Variants in MIA2 observed in about 807,000 individuals in gnomAD.
MIA2 encodes melanoma inhibitory activity protein 2.
MIA2 carries 127 observed loss-of-function variants against 167.8 expected under a neutral mutation model. The ratio of observed to expected loss-of-function variants is 0.76; its 90% CI spans 0.66 to 0.88. The LOEUF (loss-of-function observed/expected upper bound fraction) is 0.88. Among genes scored for constraint, MIA2 ranks in the 40% least tolerant of loss-of-function variants. The pLI is 0.00. For synonymous variants in MIA2, 552 were observed against 541.9 expected (o/e 1.02, Z -0.26); for missense variants, 1,690 against 1,624.7 (o/e 1.04, Z -0.69).
intron 19 of MIA2, 135 bp downstream of exon 19, chr14:39,313,576 A>G (rs1312537805): frequency 2.0e-6 from 1 of 498,548 alleles, no homozygotes; most frequent in Non-Finnish European, 3.6e-6. Flanking sequence ...CAAAAAAATA[A>G]TATATTTTTG....
intron 9 of MIA2, among the ~76,000 whole-genome samples, chr14:39,280,072 A>T (rs1314769485): frequency 1.3e-5 from 2 of 151,316 alleles, no homozygotes; most frequent in African/African-American, 2.4e-5. Flanking sequence ...GTGAAGATTC[A>T]TTTTTTTTCC....
At chr14:39,265,446 C>G (rs749347323) in intron 6 of MIA2, 4 of 1,583,438 alleles carry the variant, frequency 2.5e-6, no homozygotes, top group Non-Finnish European at 3.4e-6. Flanking sequence ...ATTAAGCATA[C>G]TGAAACAAAT....
At chr14:39,325,656 C>T (rs534312313) in intron 24 of MIA2, among the ~76,000 whole-genome samples, 40 of 150,356 alleles carry the variant, frequency 2.7e-4, no homozygotes, top group African/African-American at 4.4e-4. Context: ...TGTGAGCCAC[C>T]GCGCCTGGCC....
At position 39,350,129 on chromosome 14, in the gene MIA2, TC is replaced by T; in HGVS notation, c.4106del (p.Pro1369LeufsTer26). 7.2e-7 allele frequency: 1 copy of T among 1,381,596 alleles called. No homozygotes were observed. The highest frequency in any genetic ancestry group is 9.9e-7 in the Non-Finnish European group (1 of 1,012,134). The allele number at this position is 1,381,596 out of a possible 1,614,324, so 85.6% of individuals were successfully genotyped here. On this transcript the variant is annotated frameshift_variant, in exon 29 of 29. Transcript: ENST00000640607. LOFTEE classifies it high-confidence loss of function. ...RNVYPPRGFPPYLPPRPGFFP... is the reference protein window; with the variant it reads ...RNVYPPRGFPXYLPPRPGFFP... Reference sequence around the variant, plus strand: ...ATGTCTATCCACCGAGGGGTTTTCCTCCTTACCTTCCCCCAAGACCTGGATT... The same window carrying T: ...ATGTCTATCCACCGAGGGGTTTTCCTCTTACCTTCCCCCAAGACCTGGATT...
At chr14:39,362,687 C>G (rs2074713385) in intron 23 of MIA2, among the ~76,000 whole-genome samples, 1 of 151,862 alleles carries the variant, frequency 6.6e-6, no homozygotes, top group African/African-American at 2.4e-5. Context: ...TTGTTTAGTT[C>G]TGCTCTGATC....
Position 39,247,654 on chromosome 14 carries a change from A to AG in MIA2, c.1081dup (p.Glu361GlyfsTer8), listed in dbSNP as rs1329707873. ...CAGTTCCATGTACAGAAATATTAAC[A>AG]GAAAAAAAAGACACAATCACTAATG... On this transcript the variant is annotated frameshift_variant, in exon 4 of 29. Transcript: ENST00000640607. LOFTEE classifies it high-confidence loss of function. 1 of 1,609,526 alleles carries AG rather than the reference A, an allele frequency of 6.2e-7. No homozygotes were observed. Among genetic ancestry groups the AG allele is most frequent in the Admixed American group, 1.7e-5 (1 of 58,752 alleles).
chr14:39,237,149 C>G, intron 2 of MIA2, 94 bp downstream of exon 2: 1 of 1,388,122 alleles, frequency 7.2e-7, no homozygotes, highest in Non-Finnish European at 9.9e-7. Flanking sequence ...GAAACAGGGC[C>G]TGGCTCTGTC....
chr14:39,234,304 G>A (rs549439769), intron 1 of MIA2, 75 bp downstream of exon 1: 1 of 908,798 alleles, frequency 1.1e-6, no homozygotes, highest in East Asian at 2.7e-5. Flanking sequence ...TTGTGGTCAC[G>A]CATGATAAAA....
Position 39,234,136 on chromosome 14 carries a change from A to G in MIA2, c.22A>G (p.Arg8Gly), listed in dbSNP as rs138277028. The change falls in exon 1 of 29, where the codon AGA becomes GGA. Residue 8 changes from arginine to glycine, a missense_variant. Transcript: ENST00000640607. ...TAGCATGGCAAAATTTGGCGTTCAC[A>G]GAATCCTTCTTCTGGCTATTTCTCT... MAKFGVHRILLLAISLTK... is the reference protein window; with the variant it reads MAKFGVHGILLLAISLTK... The G allele has an allele frequency of 1.4e-5, 23 of 1,605,606 alleles. No individual in the cohort carries two copies. The highest frequency in any genetic ancestry group is 1.9e-5 in the Non-Finnish European group (22 of 1,176,812).
intron 23 of MIA2, among the ~76,000 whole-genome samples, chr14:39,356,943 A>G (rs2074543883): frequency 6.6e-6 from 1 of 152,166 alleles, no homozygotes; most frequent in Admixed American, 6.5e-5. Flanking sequence ...CTGTTCTTTT[A>G]CATTTGCTGA....
chr14:39,270,075 C>A (rs2056851955), intron 6 of MIA2, among the ~76,000 whole-genome samples: 1 of 152,126 alleles, frequency 6.6e-6, no homozygotes. Flanking sequence ...TTTACATCCC[C>A]ACCAGCAGTT....
intron 6 of MIA2, chr14:39,267,475 GTTAC>G: frequency 6.2e-7 from 1 of 1,613,204 alleles, no homozygotes; most frequent in Non-Finnish European, 8.5e-7. Flanking sequence ...GGAGCCCGGG[GTTAC>G]CCCTCAACCG....
intron 2 of MIA2, among the ~76,000 whole-genome samples, chr14:39,238,811 A>AAAACACAACAAAAAAC: frequency 9.7e-6 from 1 of 103,608 alleles, no homozygotes; most frequent in Admixed American, 1.0e-4. Context: ...AAAAAAAAAA[A>AAAACACAACAAAAAAC]CCCAAAAAAC....
At chr14:39,263,258 C>T (rs772465113) in intron 6 of MIA2, among the ~76,000 whole-genome samples, 1 of 152,148 alleles carries the variant, frequency 6.6e-6, no homozygotes, top group Non-Finnish European at 1.5e-5. Context: ...GCCTTTTCTG[C>T]ATGTATTGAG....
chr14:39,329,344 TAAG>T (rs2068275346), intron 25 of MIA2, among the ~76,000 whole-genome samples: 1 of 152,186 alleles, frequency 6.6e-6, no homozygotes, highest in Non-Finnish European at 1.5e-5. Context: ...CTTATTAGCT[TAAG>T]GAGTGTTTGG....
downstream of MIA2, among the ~76,000 whole-genome samples, chr14:39,353,834 G>A (rs576265935): frequency 2.1e-3 from 320 of 152,230 alleles, 1 homozygote; most frequent in Non-Finnish European, 3.3e-3. Flanking sequence ...TTGTCCTTGC[G>A]ATAGTTTGCT....
At chr14:39,354,799 A>G (rs2074478853), downstream of MIA2, among the ~76,000 whole-genome samples, 2 of 152,140 alleles carry the variant, frequency 1.3e-5, no homozygotes, top group African/African-American at 2.4e-5. Context: ...TTTTCCCAGC[A>G]CCATTTATTA....
At chr14:39,314,576 C>T (rs1287690980) in intron 19 of MIA2, among the ~76,000 whole-genome samples, 163 bp from the exon 20 acceptor site, 2 of 143,124 alleles carry the variant, frequency 1.4e-5, no homozygotes, top group African/African-American at 5.2e-5. Context: ...TAGAACCTGT[C>T]AGAGGTGATT....
intron 6 of MIA2, among the ~76,000 whole-genome samples, chr14:39,270,004 A>G (rs561010083): frequency 3.3e-5 from 5 of 152,234 alleles, no homozygotes; most frequent in East Asian, 3.9e-4. Flanking sequence ...TCGCTGAGTC[A>G]TATTTACCAT....
Sources: allele counts gnomAD v4.1 joint callset (sites outside exome capture counted in the v4.1 genomes callset), GRCh38; gene constraint gnomAD v4.1.1; transcripts MANE v1.5; gene names NCBI Gene and HGNC (gene_info 2026-07-23, HGNC 2026-07-21).